The following DTNBP1 variants were observed in gnomAD, a reference collection of about 807,000 sequenced individuals.
DTNBP1 encodes the protein dystrobrevin binding protein 1.
In DTNBP1, 35 loss-of-function variants were observed where a neutral mutation model predicts 42.8. The ratio of observed to expected loss-of-function variants is 0.82; its 90% CI spans 0.63 to 1.09. The LOEUF is 1.09. DTNBP1 is among the 50% of genes least tolerant of loss of function. The pLI is 0.00. For synonymous variants in DTNBP1, 171 were observed against 162.2 expected (o/e 1.05, Z -0.41); for missense variants, 457 against 424.2 (o/e 1.08, Z -0.68).
intron 8 of DTNBP1, among the ~76,000 whole-genome samples, chr6:15,525,727 T>C (rs923053886): frequency 6.6e-6 from 1 of 152,092 alleles, no homozygotes; most frequent in African/African-American, 2.4e-5. Context: ...TCTGCCATAA[T>C]GCAGCATAGA....
At chr6:15,561,549 C>T (rs894488844) in intron 7 of DTNBP1, among the ~76,000 whole-genome samples, 3 of 152,222 alleles carry the variant, frequency 2.0e-5, no homozygotes, top group Admixed American at 6.5e-5. Context: ...AATAGTTGGG[C>T]GGGAATATCA....
Position 15,593,083 on chromosome 6 carries a change from T to C in DTNBP1, c.489-2A>G. 1 of 1,566,866 alleles carries C rather than the reference T, an allele frequency of 6.4e-7. No individual in the cohort carries two copies. Among genetic ancestry groups the C allele is most frequent in the Non-Finnish European group, 8.6e-7 (1 of 1,158,740 alleles). ...CCTTTGAAGGTTTCAAGTTCCTTCC[T>C]GTAGGAAAAAAAAAAAAAAGACAAG... On this transcript the variant is annotated splice_acceptor_variant, in intron 6 of 9. Transcript: ENST00000344537. LOFTEE classifies it high-confidence loss of function.
chr6:15,551,499 T>C (rs1774208384), intron 7 of DTNBP1, among the ~76,000 whole-genome samples: 1 of 152,166 alleles, frequency 6.6e-6, no homozygotes, highest in African/African-American at 2.4e-5. Flanking sequence ...AAAGAAGCCA[T>C]GCCCTGACTT....
chr6:15,645,408 G>T (rs1760617707), intron 3 of DTNBP1, among the ~76,000 whole-genome samples: 1 of 151,984 alleles, frequency 6.6e-6, no homozygotes, highest in African/African-American at 2.4e-5. Context: ...AAAAATTGAA[G>T]AGAGGAGATT....
intron 7 of DTNBP1, among the ~76,000 whole-genome samples, chr6:15,550,087 C>T (rs746679035): frequency 1.3e-5 from 2 of 152,118 alleles, no homozygotes; most frequent in Non-Finnish European, 2.9e-5. Context: ...GAAATCAAAA[C>T]CAGGTTTAAA....
chr6:15,583,619 T>C (rs1418346584), intron 7 of DTNBP1, among the ~76,000 whole-genome samples: 14 of 152,232 alleles, frequency 9.2e-5, no homozygotes, highest in Admixed American at 9.2e-4. Context: ...GATTTCTTTT[T>C]GTGGTTTTAA....
chr6:15,565,718 T>A (rs1775041666), intron 7 of DTNBP1, among the ~76,000 whole-genome samples: 1 of 152,166 alleles, frequency 6.6e-6, no homozygotes, highest in Admixed American at 6.5e-5. Flanking sequence ...CAGAAAGGAA[T>A]CTTTTTGGGG....
intron 7 of DTNBP1, among the ~76,000 whole-genome samples, chr6:15,573,084 G>A (rs1775408793): frequency 1.3e-5 from 2 of 152,052 alleles, no homozygotes; most frequent in Admixed American, 1.3e-4. Flanking sequence ...CATATATTTG[G>A]GTTAATCTAA....
Position 15,523,082 on chromosome 6 carries a change from G to A in DTNBP1, c.949C>T (p.Pro317Ser), listed in dbSNP as rs778895369. 1 of 1,614,212 alleles carries A rather than the reference G, an allele frequency of 6.2e-7. No individual in the cohort carries two copies. The highest frequency in any genetic ancestry group is 1.7e-5 in the Admixed American group (1 of 60,028). The change falls in exon 10 of 10, where the codon CCC becomes TCC. Residue 317 changes from proline (P) to serine (S), a missense_variant. Physicochemically the swap from Pro to Ser is moderately conservative, Grantham distance 74 (BLOSUM62 -1). Transcript: ENST00000344537. ...TCCTCCTCATCGGACTGAACAACGG[G>A]GGACTCCCCACCCTCACTGATGTCC... ...TRDISEGGES[P>S]VVQSDEEEVQ...
At chr6:15,549,362 G>A (rs1323582981) in intron 7 of DTNBP1, among the ~76,000 whole-genome samples, 1 of 151,958 alleles carries the variant, frequency 6.6e-6, no homozygotes, top group Non-Finnish European at 1.5e-5. Context: ...GCGGGTGCCT[G>A]TAATCCCAGC....
At chr6:15,589,742 A>G (rs1776218388) in intron 7 of DTNBP1, among the ~76,000 whole-genome samples, 1 of 151,980 alleles carries the variant, frequency 6.6e-6, no homozygotes, top group African/African-American at 2.4e-5. Flanking sequence ...ATCCCTGGAT[A>G]CTCTCCAAGG....
In DTNBP1 at chr6:15,524,648, G is replaced by A; in HGVS notation, c.689C>T (p.Ser230Phe). ...CAGCATGTCCACGTTCACTTCCATGGATGACATGCTGCCTATGGGCTCTGC... is the reference window on the plus strand; with the variant it reads ...CAGCATGTCCACGTTCACTTCCATGAATGACATGCTGCCTATGGGCTCTGC... ...ERREPIGSMS[S>F]MEVNVDMLEQ... Residue 230 changes from serine to phenylalanine, a missense_variant, in exon 9 of 10, where the codon TCC becomes TTC. Ser to Phe is a radical substitution (Grantham distance 155). Coordinates refer to ENST00000344537, the MANE Select transcript of DTNBP1 (RefSeq NM_032122.5). 1 of 1,613,584 alleles carries A rather than the reference G, an allele frequency of 6.2e-7. No homozygotes were observed. Among genetic ancestry groups the A allele is most frequent in the Non-Finnish European group, 8.5e-7 (1 of 1,180,030 alleles).
intron 7 of DTNBP1, among the ~76,000 whole-genome samples, chr6:15,584,967 A>T (rs994819280): frequency 3.4e-5 from 5 of 146,592 alleles, no homozygotes; most frequent in African/African-American, 1.2e-4. Context: ...ATATGTATTT[A>T]TATATATATA....
rs59686948 is a variant in DTNBP1, at chr6:15,662,552, C to G, written c.56+262G>C. Among the ~76,000 whole-genome samples, 10,762 of 152,270 alleles carry G rather than the reference C, an allele frequency of 0.071. 420 individuals carry two copies. The highest frequency in any genetic ancestry group is 0.13 in the Middle Eastern group (39 of 292). ...AAGGACCGCAGGGTCCCACACCCCC[C>G]CCGGGCGCTCCGCTGCGCCGCCGAG... On this transcript the variant is annotated intron_variant, in intron 1 of 9. Coordinates refer to ENST00000344537, the MANE Select transcript of DTNBP1 (RefSeq NM_032122.5).
At chr6:15,549,559 GTGGCAGGTGCAGTGGACGTGGTGTCC>G (rs1230741573) in intron 7 of DTNBP1, among the ~76,000 whole-genome samples, 1 of 151,490 alleles carries the variant, frequency 6.6e-6, no homozygotes, top group African/African-American at 2.4e-5. Flanking sequence ...CTGGATGTGG[GTGGCAGGTGCAGTGGACGTGGTGTCC>G]TGGCAGCTGC....
At chr6:15,546,504 G>C (rs1270081748) in intron 7 of DTNBP1, among the ~76,000 whole-genome samples, 1 of 152,058 alleles carries the variant, frequency 6.6e-6, no homozygotes, top group Non-Finnish European at 1.5e-5. Context: ...AAGACCTTTT[G>C]AGTTAGACAA....
At chr6:15,542,616 C>T (rs538911144) in intron 7 of DTNBP1, among the ~76,000 whole-genome samples, 34 of 152,030 alleles carry the variant, frequency 2.2e-4, no homozygotes, top group East Asian at 3.9e-4. Flanking sequence ...TTGATCCACC[C>T]GCCTCGGCCT....
chr6:15,606,474 A>AAT (rs1758061099), intron 6 of DTNBP1, among the ~76,000 whole-genome samples: 1 of 152,102 alleles, frequency 6.6e-6, no homozygotes, highest in African/African-American at 2.4e-5. Context: ...CTGGCCCCTA[A>AAT]ATAGTCTGAT....
intron 7 of DTNBP1, among the ~76,000 whole-genome samples, chr6:15,571,587 T>A (rs990671683): frequency 6.6e-6 from 1 of 152,216 alleles, no homozygotes; most frequent in African/African-American, 2.4e-5. Flanking sequence ...TCCACAGGTT[T>A]ACTGACAAGT....
Sources: gnomAD v4.1 joint callset for allele counts (sites outside exome capture counted in the v4.1 genomes callset) on GRCh38, gnomAD v4.1.1 for gene constraint, MANE v1.5 for transcripts, NCBI Gene and HGNC (gene_info 2026-07-23, HGNC 2026-07-21) for gene names.